Variants in ZIM2 observed in about 807,000 individuals in gnomAD.
The protein encoded by ZIM2 is zinc finger imprinted 2.
In ZIM2, 14 loss-of-function variants were observed where a neutral mutation model predicts 38.6. The ratio of observed to expected loss-of-function variants is 0.36; its 90% CI spans 0.24 to 0.57. ZIM2 has a LOEUF of 0.57. Ranked by LOEUF, ZIM2 falls within the 20% of genes least tolerant of loss-of-function variation. The pLI is 0.81. For synonymous variants in ZIM2, 247 were observed against 245.8 expected (o/e 1.00, Z -0.04); for missense variants, 680 against 695.1 (o/e 0.98, Z 0.24).
rs142068712 is a variant in ZIM2, at chr19:56,775,324, C to T, written c.1041G>A (p.Thr347=). The change falls in exon 13 of 13, where the codon ACG becomes ACA. Residue 347 remains threonine, a synonymous_variant. Coordinates refer to ENST00000629319, the MANE Select transcript of ZIM2 (RefSeq NM_001387356.1). ...TCTCTTGGGATGCTGACTGGGGACTCGTACATATTCCAGGAGCAGTGCCTT... is the reference window on the plus strand; with the variant it reads ...TCTCTTGGGATGCTGACTGGGGACTTGTACATATTCCAGGAGCAGTGCCTT... The part of the protein sequence containing the change: ...PQEGTAPGIC[T]SPQSASQENK... 1.2e-5 allele frequency: 20 copies of T among 1,614,178 alleles called. No individual in the cohort carries two copies. In the East Asian group the frequency reaches 1.6e-4, roughly 13 times the overall value.
At chr19:56,838,351 C>T (rs1018139947) in intron 1 of ZIM2, among the ~76,000 whole-genome samples, 10 of 152,210 alleles carry the variant, frequency 6.6e-5, no homozygotes, top group Non-Finnish European at 1.2e-4. Context: ...CGCAATCAAC[C>T]TCGGGCGCCA....
At chr19:56,798,773 A>C (rs2145972659) in intron 9 of ZIM2, 1 of 152,332 alleles carries the variant, frequency 6.6e-6, no homozygotes, top group Admixed American at 6.5e-5. Flanking sequence ...AAGAAAAAAA[A>C]ACAACGCCAT....
intron 9 of ZIM2, chr19:56,811,578 T>C (rs899774102): frequency 2.0e-6 from 2 of 985,246 alleles, no homozygotes; most frequent in African/African-American, 1.7e-5. Context: ...TTACAGCAAG[T>C]TGCTTTCTGA....
chr19:56,774,867 A>G lies in ZIM2; in HGVS notation c.1498T>C (p.Cys500Arg). ...CGACTGAAGACTCTGCCACAGTCACAACACTGGCAGGCTCTCTCTCCAACG... is the reference window on the plus strand; with the variant it reads ...CGACTGAAGACTCTGCCACAGTCACGACACTGGCAGGCTCTCTCTCCAACG... ...DYVGERACQC[C>R]DCGRVFSRNS... Residue 500 changes from cysteine to arginine, a missense_variant, in exon 13 of 13, where the codon TGT becomes CGT. Coordinates refer to ENST00000629319, the MANE Select transcript of ZIM2 (RefSeq NM_001387356.1). 6.2e-7 allele frequency: 1 copy of G among 1,614,184 alleles called. No individual in the cohort carries two copies.
chr19:56,825,261 A>C (rs1421007661), intron 3 of ZIM2, among the ~76,000 whole-genome samples: 1 of 152,228 alleles, frequency 6.6e-6, no homozygotes, highest in Middle Eastern at 3.2e-3. Context: ...ACAGTATACA[A>C]CATGTAAAAA....
At chr19:56,813,470 C>T in intron 9 of ZIM2, 2 of 1,391,692 alleles carry the variant, frequency 1.4e-6, no homozygotes, top group Non-Finnish European at 9.3e-7. Context: ...CACATGCAGA[C>T]ACTGACATCT....
At chr19:56,824,721 T>G (rs1568682869) in intron 3 of ZIM2, 1 of 1,443,014 alleles carries the variant, frequency 6.9e-7, no homozygotes, top group East Asian at 2.3e-5. Context: ...CGGCAGCCTG[T>G]GACCGTCAGT....
intron 9 of ZIM2, chr19:56,811,308 A>G: frequency 1.1e-6 from 1 of 905,084 alleles, no homozygotes; most frequent in Non-Finnish European, 1.3e-6. Context: ...AAACAGTTAT[A>G]ATGAACTGTT....
intron 10 of ZIM2, among the ~76,000 whole-genome samples, chr19:56,783,170 A>G (rs2145868164): frequency 6.6e-6 from 1 of 152,348 alleles, no homozygotes; most frequent in African/African-American, 2.4e-5. Flanking sequence ...GAAATAACCC[A>G]AACATTCATT....
chr19:56,791,602 C>G (rs1477854457), intron 9 of ZIM2, among the ~76,000 whole-genome samples: 1 of 152,108 alleles, frequency 6.6e-6, no homozygotes, highest in East Asian at 1.9e-4. Flanking sequence ...ATAACATTCC[C>G]AATAACTTAC....
chr19:56,799,049 T>C (rs1241004019), intron 9 of ZIM2: 2 of 152,176 alleles, frequency 1.3e-5, no homozygotes, highest in Non-Finnish European at 2.9e-5. Flanking sequence ...TCGAAGACAG[T>C]GTGGTGATTC....
chr19:56,801,096 G>A (rs931279617), intron 9 of ZIM2, among the ~76,000 whole-genome samples: 7 of 151,694 alleles, frequency 4.6e-5, no homozygotes, highest in South Asian at 2.1e-4. Context: ...CACCATGCCC[G>A]GCTAATTTTT....
intron 9 of ZIM2, among the ~76,000 whole-genome samples, chr19:56,801,455 C>T (rs2047522414): frequency 6.6e-6 from 1 of 152,028 alleles, no homozygotes; most frequent in Non-Finnish European, 1.5e-5. Flanking sequence ...CCAGCAGATC[C>T]CCAGTGCGGA....
At position 56,824,379 on chromosome 19, in the gene ZIM2, G is replaced by A. The variant is rs745342259; in HGVS notation, c.-102C>T. On this transcript the variant is annotated 5_prime_UTR_variant, in exon 4 of 13. Transcript: ENST00000629319. ...TTTTCAGGGATGATGGTCAGGTACT[G>A]CTCAAGGACCAAGAGCTCGATGATC... 4 of 1,614,140 alleles carry A rather than the reference G, an allele frequency of 2.5e-6. No homozygotes were observed. In the East Asian group the frequency reaches 8.9e-5, roughly 36 times the overall value.
intron 9 of ZIM2, among the ~76,000 whole-genome samples, chr19:56,801,796 C>G (rs1260675832): frequency 6.6e-6 from 1 of 152,160 alleles, no homozygotes; most frequent in Non-Finnish European, 1.5e-5. Flanking sequence ...GCTCTCATCT[C>G]AAGACTAGTA....
rs79322352 is a variant in ZIM2, at chr19:56,808,323, C to T, written c.490+9423G>A. Among the ~76,000 whole-genome samples, 785 of 152,210 alleles carry T rather than the reference C, an allele frequency of 5.2e-3. 3 individuals carry two copies. The highest frequency in any genetic ancestry group is 5.8e-3 in the Non-Finnish European group (392 of 68,024). On this transcript the variant is annotated intron_variant, in intron 9 of 12. Coordinates refer to ENST00000629319, the MANE Select transcript of ZIM2 (RefSeq NM_001387356.1). ...TATCACGGGGAACCTTCTTGAACTA[C>T]TTTGGTTTGAGAGTAGTCTCCCCAG...
At chr19:56,832,047 A>G (rs528917570) in intron 2 of ZIM2, among the ~76,000 whole-genome samples, 1 of 152,258 alleles carries the variant, frequency 6.6e-6, no homozygotes, top group East Asian at 1.9e-4. Context: ...AAACTCACAT[A>G]AACTTGTATT....
chr19:56,811,339 C>G (rs754198858), intron 9 of ZIM2: 12 of 891,564 alleles, frequency 1.3e-5, no homozygotes, highest in Non-Finnish European at 1.6e-5. Context: ...GTTAAATGAA[C>G]AGCATATAAA....
At chr19:56,789,817 T>G in intron 10 of ZIM2, 55 bp downstream of exon 10, 1 of 1,401,928 alleles carries the variant, frequency 7.1e-7, no homozygotes, top group Middle Eastern at 1.9e-4. Flanking sequence ...GTCCACAAAT[T>G]AGGAAGATAA....
Sources: gnomAD v4.1 joint callset for allele counts (sites outside exome capture counted in the v4.1 genomes callset) on GRCh38, gnomAD v4.1.1 for gene constraint, MANE v1.5 for transcripts, NCBI Gene and HGNC (gene_info 2026-07-23, HGNC 2026-07-21) for gene names.